PELI2: variants seen among roughly 807,000 people sequenced by gnomAD.
PELI2 encodes E3 ubiquitin-protein ligase pellino homolog 2.
Under a neutral mutation model 42.3 loss-of-function variants are expected in PELI2, and 23 were observed. That is an observed-to-expected ratio of 0.54 (90% CI 0.39 to 0.77). The LOEUF is 0.77. Among genes scored for constraint, PELI2 ranks in the 30% least tolerant of loss-of-function variants. The pLI is 0.00. For synonymous variants in PELI2, 245 were observed against 212.2 expected (o/e 1.15, Z -1.34); for missense variants, 463 against 553.2 (o/e 0.84, Z 1.64).
chr14:56,143,378 T>C (rs951808583), intron 1 of PELI2, among the ~76,000 whole-genome samples: 1 of 152,242 alleles, frequency 6.6e-6, no homozygotes, highest in African/African-American at 2.4e-5. Context: ...TTCTTCTCTG[T>C]AGTTATTATT....
intron 2 of PELI2, among the ~76,000 whole-genome samples, chr14:56,279,444 T>C (rs1372443847): frequency 6.6e-6 from 1 of 152,218 alleles, no homozygotes; most frequent in Non-Finnish European, 1.5e-5. Context: ...AACTTTGATT[T>C]GATTTAATAA....
intron 1 of PELI2, among the ~76,000 whole-genome samples, chr14:56,159,885 A>G (rs1448270348): frequency 6.6e-6 from 1 of 152,198 alleles, no homozygotes. Flanking sequence ...GATTCAGAAC[A>G]ATAAAAACAT....
At chr14:56,217,471 G>A (rs1421671561) in intron 2 of PELI2, among the ~76,000 whole-genome samples, 1 of 152,238 alleles carries the variant, frequency 6.6e-6, no homozygotes, top group African/African-American at 2.4e-5. Context: ...GCAGTGAGGG[G>A]AGGACTGCGT....
At position 56,228,657 on chromosome 14, in the gene PELI2, C is replaced by A. The variant is rs576200196; in HGVS notation, c.207+50193C>A. Among the ~76,000 whole-genome samples the A allele has an allele frequency of 9.8e-4, 149 of 152,322 alleles. 1 individual carries two copies. In the South Asian group the frequency reaches 0.014, roughly 14 times the overall value. ...GGGTTCCAAGATGGCTGAATAGGAACAGTTCCAGTCTACAGCTCCCAGTGT... is the reference window on the plus strand; with the variant it reads ...GGGTTCCAAGATGGCTGAATAGGAAAAGTTCCAGTCTACAGCTCCCAGTGT... On this transcript the variant is annotated intron_variant, in intron 2 of 5. Coordinates refer to ENST00000267460, the MANE Select transcript of PELI2 (RefSeq NM_021255.3).
chr14:56,192,694 G>A (rs369381568), intron 2 of PELI2, among the ~76,000 whole-genome samples: 116 of 152,292 alleles, frequency 7.6e-4, no homozygotes, highest in African/African-American at 2.7e-3. Flanking sequence ...ACTCTGACCC[G>A]CAGTTTTCTC....
In PELI2 at chr14:56,290,453, G is replaced by A. The variant is rs144523965; in HGVS notation, c.693G>A (p.Lys231=). ...CCAGGTCGGCCCAGCAACGAGGAAA[G>A]CTGGTGAGTGTGCTTCACTCTGCAA... ...RETRSAQQRG[K]LVESETNVLQ... Residue 231 remains lysine (K), a synonymous_variant, in exon 5 of 6, where the codon AAG becomes AAA. Transcript: ENST00000267460. 2 of 1,594,864 alleles carry A rather than the reference G, an allele frequency of 1.3e-6. No individual in the cohort carries two copies. Among genetic ancestry groups the A allele is most frequent in the Non-Finnish European group, 1.7e-6 (2 of 1,167,540 alleles).
chr14:56,296,259 A>C (rs906626233), intron 5 of PELI2, among the ~76,000 whole-genome samples: 1 of 152,204 alleles, frequency 6.6e-6, no homozygotes, highest in African/African-American at 2.4e-5. Flanking sequence ...CTATGGGATC[A>C]GTGAGTCATT....
intron 2 of PELI2, among the ~76,000 whole-genome samples, chr14:56,204,128 T>A (rs1566635523): frequency 6.6e-6 from 1 of 152,156 alleles, no homozygotes; most frequent in Non-Finnish European, 1.5e-5. Context: ...GGCCGATTGA[T>A]GGGAACGAAT....
chr14:56,249,271 G>T (rs1384841321), intron 2 of PELI2, among the ~76,000 whole-genome samples: 1 of 152,104 alleles, frequency 6.6e-6, no homozygotes, highest in Non-Finnish European at 1.5e-5. Flanking sequence ...AGAAAAGTAA[G>T]GCCCTGTGCC....
intron 2 of PELI2, among the ~76,000 whole-genome samples, chr14:56,265,034 A>G (rs1888846008): frequency 6.6e-6 from 1 of 152,204 alleles, no homozygotes; most frequent in African/African-American, 2.4e-5. Context: ...ATGTTCATGG[A>G]TCAGAAAACT....
intron 2 of PELI2, among the ~76,000 whole-genome samples, chr14:56,239,697 C>G (rs2139790528): frequency 6.6e-6 from 1 of 152,218 alleles, no homozygotes; most frequent in East Asian, 1.9e-4. Flanking sequence ...GCCCTATGGT[C>G]CTTCCCCAAG....
At chr14:56,144,148 A>C (rs911286541) in intron 1 of PELI2, among the ~76,000 whole-genome samples, 2 of 152,170 alleles carry the variant, frequency 1.3e-5, no homozygotes, top group African/African-American at 4.8e-5. Context: ...CTTACTTGTA[A>C]CTTCTTTCGT....
At chr14:56,151,250 G>A (rs1884340109) in intron 1 of PELI2, among the ~76,000 whole-genome samples, 1 of 151,996 alleles carries the variant, frequency 6.6e-6, no homozygotes, top group Admixed American at 6.6e-5. Context: ...TCCCTCCCTC[G>A]GCCCCCATTT....
chr14:56,154,478 G>C (rs1026739120), intron 1 of PELI2, among the ~76,000 whole-genome samples: 1 of 152,162 alleles, frequency 6.6e-6, no homozygotes, highest in African/African-American at 2.4e-5. Flanking sequence ...ATAAGTGGCA[G>C]CTCCCCCCAT....
chr14:56,173,528 A>G (rs374001394), intron 1 of PELI2, among the ~76,000 whole-genome samples: 1 of 152,114 alleles, frequency 6.6e-6, no homozygotes, highest in African/African-American at 2.4e-5. Flanking sequence ...TGGCTGCCAT[A>G]ACACATTACC....
intron 3 of PELI2, among the ~76,000 whole-genome samples, chr14:56,287,071 C>T (rs113334245): frequency 6.6e-6 from 1 of 152,162 alleles, no homozygotes; most frequent in Admixed American, 6.5e-5. Flanking sequence ...ATGAAACATT[C>T]AAACCAGCAG....
intron 2 of PELI2, among the ~76,000 whole-genome samples, chr14:56,246,817 A>G (rs987234974): frequency 6.6e-6 from 1 of 152,152 alleles, no homozygotes; most frequent in Non-Finnish European, 1.5e-5. Flanking sequence ...TCCATCATAC[A>G]TTGACTTATA....
chr14:56,220,812 G>T (rs563973688), intron 2 of PELI2, among the ~76,000 whole-genome samples: 1 of 152,114 alleles, frequency 6.6e-6, no homozygotes, highest in Non-Finnish European at 1.5e-5. Context: ...AGGAAATGCC[G>T]CGAAATGGTG....
chr14:56,233,034 A>T (rs1244810826), intron 2 of PELI2, among the ~76,000 whole-genome samples: 1 of 152,194 alleles, frequency 6.6e-6, no homozygotes, highest in Admixed American at 6.5e-5. Context: ...ATACCTAGGA[A>T]TCCAACTTAC....
Sources: gnomAD v4.1 joint callset for allele counts (sites outside exome capture counted in the v4.1 genomes callset) on GRCh38, gnomAD v4.1.1 for gene constraint, MANE v1.5 for transcripts, NCBI Gene and HGNC (gene_info 2026-07-23, HGNC 2026-07-21) for gene names.